The following PREP variants were observed in gnomAD, a reference collection of about 807,000 sequenced individuals.
PREP encodes prolyl endopeptidase.
A neutral mutation model predicts 87.6 loss-of-function variants in PREP; 29 were observed. That is an observed-to-expected ratio of 0.33 (90% CI 0.25 to 0.45). PREP has a LOEUF of 0.45. PREP is among the 20% of genes least tolerant of loss of function. The probability of loss-of-function intolerance (pLI) is 1.00; values close to 1 mark genes in which losing one functional copy is unlikely to be tolerated. For missense variants in PREP, 695 were observed against 886.5 expected (o/e 0.78, Z 2.74); for synonymous variants, 337 against 328.6 (o/e 1.03, Z -0.28).
At chr6:105,303,175 C>T (rs143823837) in intron 10 of PREP, among the ~76,000 whole-genome samples, 1 of 152,212 alleles carries the variant, frequency 6.6e-6, no homozygotes, top group African/African-American at 2.4e-5. Context: ...CCTCATCCTC[C>T]TGGCTCAGCC....
At chr6:105,283,385 C>A (rs1026407329) in intron 12 of PREP, among the ~76,000 whole-genome samples, 3 of 152,174 alleles carry the variant, frequency 2.0e-5, no homozygotes, top group Admixed American at 2.0e-4. Context: ...CTCAAAGGAA[C>A]AGATGTCTGA....
rs150603005 is a variant in PREP, at chr6:105,295,506, C to T, written c.1318-6612G>A. ...TCTCCATCTTCCTAATCATTAATCC[C>T]GAGTACCCCATACTCACAGCTCACC... On this transcript the variant is annotated intron_variant, in intron 10 of 14. Coordinates refer to ENST00000652536, the MANE Select transcript of PREP (RefSeq NM_002726.5). Among the ~76,000 whole-genome samples, 751 of 152,194 alleles carry T rather than the reference C, an allele frequency of 4.9e-3. 6 individuals are homozygous for T. Among genetic ancestry groups the T allele is most frequent in the African/African-American group, 0.017 (721 of 41,514 alleles).
chr6:105,304,441 A>G (rs1321894491), intron 10 of PREP, among the ~76,000 whole-genome samples: 2 of 152,222 alleles, frequency 1.3e-5, no homozygotes, highest in African/African-American at 4.8e-5. Context: ...TACATCTCGT[A>G]AACTATGGAG....
chr6:105,296,536 G>T (rs1770416494), intron 10 of PREP, among the ~76,000 whole-genome samples: 1 of 151,708 alleles, frequency 6.6e-6, no homozygotes, highest in Non-Finnish European at 1.5e-5. Context: ...ATTTCATCTT[G>T]ATTTTTTACA....
chr6:105,345,955 G>A (rs1771785819), intron 7 of PREP, among the ~76,000 whole-genome samples: 1 of 152,182 alleles, frequency 6.6e-6, no homozygotes, highest in Admixed American at 6.5e-5. Context: ...AGTGACAAAA[G>A]TAAACCGAAC....
At chr6:105,315,153 T>C (rs1192254413) in intron 10 of PREP, among the ~76,000 whole-genome samples, 2 of 152,072 alleles carry the variant, frequency 1.3e-5, no homozygotes, top group Non-Finnish European at 2.9e-5. Context: ...CACAATTCTT[T>C]TTTTGTTTGT....
intron 2 of PREP, among the ~76,000 whole-genome samples, chr6:105,381,657 T>C (rs1363287449): frequency 2.0e-5 from 3 of 152,230 alleles, no homozygotes; most frequent in Admixed American, 6.5e-5. Flanking sequence ...TATCCATAGA[T>C]GAATCTGAAC....
chr6:105,334,577 G>C (rs1012790407), intron 7 of PREP, among the ~76,000 whole-genome samples: 2 of 152,016 alleles, frequency 1.3e-5, no homozygotes, highest in African/African-American at 4.8e-5. Flanking sequence ...AAATTAGCTG[G>C]GCATGGTGGC....
chr6:105,328,488 T>C (rs1488347905), intron 9 of PREP, among the ~76,000 whole-genome samples: 1 of 152,132 alleles, frequency 6.6e-6, no homozygotes, highest in Non-Finnish European at 1.5e-5. Context: ...TCTCTTGACC[T>C]TGTGACCCGC....
intron 9 of PREP, among the ~76,000 whole-genome samples, chr6:105,328,570 C>T (rs1388839479): frequency 6.6e-6 from 1 of 152,070 alleles, no homozygotes; most frequent in African/African-American, 2.4e-5. Flanking sequence ...AATTTTTAAT[C>T]AATCTAGAAC....
At chr6:105,392,238 C>A (rs769342043) in intron 2 of PREP, among the ~76,000 whole-genome samples, 5 of 151,968 alleles carry the variant, frequency 3.3e-5, no homozygotes, top group Non-Finnish European at 5.9e-5. Context: ...TGGGGTTTCA[C>A]TGTATTAGCC....
In PREP at chr6:105,349,105, T is replaced by C. The variant is rs76943729; in HGVS notation, c.823+3867A>G. Reference sequence around the variant, plus strand: ...GCCTAATTCCATTTCTATACAGTGATGCATGAGGTGAGTCATGGAAATTAC... The same window carrying C: ...GCCTAATTCCATTTCTATACAGTGACGCATGAGGTGAGTCATGGAAATTAC... On this transcript the variant is annotated intron_variant, in intron 7 of 14. Transcript: ENST00000652536. Among the ~76,000 whole-genome samples, 1,411 of 152,200 alleles carry C rather than the reference T, an allele frequency of 9.3e-3. 22 individuals are homozygous for C. The highest frequency in any genetic ancestry group is 0.033 in the African/African-American group (1,354 of 41,530).
At chr6:105,396,357 A>G (rs1441254407) in intron 2 of PREP, among the ~76,000 whole-genome samples, 1 of 152,238 alleles carries the variant, frequency 6.6e-6, no homozygotes, top group Non-Finnish European at 1.5e-5. Context: ...CTCACAAAGA[A>G]CAGGTGAGGA....
At chr6:105,340,505 T>C (rs1771615094) in intron 7 of PREP, among the ~76,000 whole-genome samples, 10 of 152,154 alleles carry the variant, frequency 6.6e-5, no homozygotes, top group Admixed American at 6.5e-4. Context: ...AATAACCAGC[T>C]AACATCATAA....
In PREP at chr6:105,278,300, G is replaced by T. The variant is rs368921394; in HGVS notation, c.1977C>A (p.Ile659=). 6.2e-7 allele frequency: 1 copy of T among 1,614,214 alleles called. No homozygotes were observed. ...SLKFIATLQY[I]VGRSRKQSNP... ...TGCTTTGCTTCCTGCTGCGGCCCAC[G>T]ATGTACTGAAGGGTGGCAATGAACT... The change falls in exon 15 of 15, where the codon ATC becomes ATA. Residue 659 remains isoleucine, a synonymous_variant. Coordinates refer to ENST00000652536, the MANE Select transcript of PREP (RefSeq NM_002726.5). The surrounding 1 kb of genome is among the most constrained non-coding windows in gnomAD (Gnocchi z 4.2).
chr6:105,307,203 T>C (rs1274740305), intron 10 of PREP, among the ~76,000 whole-genome samples: 2 of 152,210 alleles, frequency 1.3e-5, no homozygotes. Context: ...TAATATCATG[T>C]TTTTAAAAGT....
chr6:105,345,843 A>G lies in PREP; in HGVS notation c.823+7129T>C, dbSNP rs563071398. Reference sequence around the variant, plus strand: ...AATCCGTGCTCCTCGGAAGCTGTTGAGAAGACTGAATGAGAGGCCTACATT... The same window carrying G: ...AATCCGTGCTCCTCGGAAGCTGTTGGGAAGACTGAATGAGAGGCCTACATT... On this transcript the variant is annotated intron_variant, in intron 7 of 14. Coordinates refer to ENST00000652536, the MANE Select transcript of PREP (RefSeq NM_002726.5). Among the ~76,000 whole-genome samples the G allele has an allele frequency of 2.0e-5, 3 of 152,342 alleles. No homozygotes were observed. In the East Asian group the frequency reaches 5.8e-4, roughly 29 times the overall value.
intron 10 of PREP, among the ~76,000 whole-genome samples, chr6:105,292,707 C>T (rs757632773): frequency 1.4e-4 from 21 of 152,236 alleles, no homozygotes; most frequent in Middle Eastern, 3.2e-3. Flanking sequence ...ATGATATCTT[C>T]TCCCAATATA....
intron 7 of PREP, among the ~76,000 whole-genome samples, chr6:105,351,808 A>G (rs1425801528): frequency 2.0e-5 from 3 of 152,178 alleles, no homozygotes; most frequent in African/African-American, 7.2e-5. Context: ...GAGAATGCAA[A>G]CACTGATGTG....
Sources: allele counts gnomAD v4.1 joint callset (sites outside exome capture counted in the v4.1 genomes callset), GRCh38; gene constraint gnomAD v4.1.1; non-coding constraint Gnocchi (gnomAD v3.1); transcripts MANE v1.5; gene names NCBI Gene and HGNC (gene_info 2026-07-23, HGNC 2026-07-21).